Variants in SCHIP1 observed in about 807,000 individuals in gnomAD.
SCHIP1 encodes schwannomin-interacting protein 1.
SCHIP1 carries 8 observed loss-of-function variants against 29.7 expected under a neutral mutation model. That is an observed-to-expected ratio of 0.27 (90% CI 0.16 to 0.49). The LOEUF is 0.49. SCHIP1 is among the 20% of genes least tolerant of loss of function. SCHIP1 has a pLI of 0.99. For synonymous variants in SCHIP1, 76 were observed against 94.9 expected (o/e 0.80, Z 1.16); for missense variants, 193 against 294.6 (o/e 0.66, Z 2.52).
At chr3:159,789,681 T>C in the SCHIP1 span, among the ~76,000 whole-genome samples, 2 of 152,324 alleles carry the variant, frequency 1.3e-5, no homozygotes, top group Middle Eastern at 3.4e-3. Context: ...CCAGGGATCA[T>C]ACTTTGAGAA....
chr3:159,793,252 C>G, the SCHIP1 span, among the ~76,000 whole-genome samples: 2 of 152,192 alleles, frequency 1.3e-5, no homozygotes, highest in South Asian at 4.2e-4. Flanking sequence ...GTCTCTGTCT[C>G]TCTCTGTCTC....
upstream of SCHIP1, among the ~76,000 whole-genome samples, chr3:159,836,150 T>C (rs1743645065): frequency 6.6e-6 from 1 of 152,182 alleles, no homozygotes; most frequent in African/African-American, 2.4e-5. Context: ...TCTTAGTCTG[T>C]TAGGGCTGCT....
the SCHIP1 span, among the ~76,000 whole-genome samples, chr3:159,333,706 T>C: frequency 6.6e-6 from 1 of 152,214 alleles, no homozygotes; most frequent in Non-Finnish European, 1.5e-5. Flanking sequence ...AGTTATCCTT[T>C]AGTTTAAATC....
At chr3:159,823,737 A>G in the SCHIP1 span, among the ~76,000 whole-genome samples, 1 of 152,126 alleles carries the variant, frequency 6.6e-6, no homozygotes, top group South Asian at 2.1e-4. Flanking sequence ...CTCTACTTCC[A>G]TCTGCCCACC....
chr3:159,800,463 G>C, the SCHIP1 span, among the ~76,000 whole-genome samples: 2 of 152,112 alleles, frequency 1.3e-5, no homozygotes, highest in African/African-American at 4.8e-5. Context: ...CACTTAAAGG[G>C]GCAGAATATT....
At chr3:159,592,319 G>A in the SCHIP1 span, among the ~76,000 whole-genome samples, 99 of 152,138 alleles carry the variant, frequency 6.5e-4, no homozygotes, top group African/African-American at 2.3e-3. Flanking sequence ...ACCTCTGAAC[G>A]TACATTTGCC....
At chr3:159,716,128 G>C in the SCHIP1 span, among the ~76,000 whole-genome samples, 1 of 152,162 alleles carries the variant, frequency 6.6e-6, no homozygotes, top group Non-Finnish European at 1.5e-5. Flanking sequence ...TTTCAACCCA[G>C]AATTTCATAT....
At chr3:159,495,362 T>C in the SCHIP1 span, among the ~76,000 whole-genome samples, 1 of 152,134 alleles carries the variant, frequency 6.6e-6, no homozygotes, top group Admixed American at 6.6e-5. Context: ...AAAACCCCAT[T>C]GTCTCAGCCC....
chr3:159,879,854 A>G (rs1401003844), intron 2 of SCHIP1, among the ~76,000 whole-genome samples: 1 of 152,204 alleles, frequency 6.6e-6, no homozygotes, highest in Non-Finnish European at 1.5e-5. Flanking sequence ...TCTCCAAAGA[A>G]AAGCTGGTGA....
rs1714066614 is a variant in SCHIP1, at chr3:159,861,603, TC to T, written c.31-4558del. On this transcript the variant is annotated intron_variant, in intron 1 of 6. Coordinates refer to ENST00000445224, the Ensembl canonical transcript of SCHIP1. The surrounding 1 kb of genome is among the most constrained non-coding windows in gnomAD (Gnocchi z 4.1). ...TTAGCAACAGATGAGGACAAAAACT[TC>T]CTGGGGCTGAATAGCGGTGAGTTTC... Among the ~76,000 whole-genome samples the T allele has an allele frequency of 2.6e-5, 4 of 152,264 alleles. No homozygotes were observed. The highest frequency in any genetic ancestry group is 5.9e-5 in the Non-Finnish European group (4 of 68,014).
At chr3:159,729,445 G>A in the SCHIP1 span, among the ~76,000 whole-genome samples, 1,852 of 152,156 alleles carry the variant, frequency 0.012, 42 homozygotes, top group African/African-American at 0.042. Context: ...TGATATGATC[G>A]CATAGCTAAA....
the SCHIP1 span, among the ~76,000 whole-genome samples, chr3:159,512,942 G>A: frequency 4.6e-5 from 7 of 152,264 alleles, no homozygotes; most frequent in Middle Eastern, 3.4e-3. Context: ...GCGAGAACAT[G>A]TGATGCTTAT....
the SCHIP1 span, among the ~76,000 whole-genome samples, chr3:159,511,082 C>T: frequency 4.1e-4 from 62 of 152,362 alleles, 2 homozygotes; most frequent in South Asian, 0.013. Flanking sequence ...TCTACAGAGG[C>T]CCACAGGCCT....
At chr3:159,648,861 G>A in the SCHIP1 span, among the ~76,000 whole-genome samples, 1 of 151,864 alleles carries the variant, frequency 6.6e-6, no homozygotes, top group African/African-American at 2.4e-5. Flanking sequence ...TGGATTTCCT[G>A]TATGGGGGAG....
chr3:159,376,234 G>T, the SCHIP1 span, among the ~76,000 whole-genome samples: 1 of 152,152 alleles, frequency 6.6e-6, no homozygotes, highest in African/African-American at 2.4e-5. Flanking sequence ...AAAGGAAGCA[G>T]TATTCTACCA....
At chr3:159,791,361 G>A in the SCHIP1 span, among the ~76,000 whole-genome samples, 2,785 of 152,300 alleles carry the variant, frequency 0.018, 40 homozygotes, top group Non-Finnish European at 0.028. Context: ...GACTAGTAAC[G>A]GCAAGAAGCA....
chr3:159,548,247 A>G, the SCHIP1 span, among the ~76,000 whole-genome samples: 2 of 152,066 alleles, frequency 1.3e-5, no homozygotes, highest in East Asian at 1.9e-4. Flanking sequence ...ATTTTTATTT[A>G]CATATTTATT....
the SCHIP1 span, among the ~76,000 whole-genome samples, chr3:159,401,808 C>A: frequency 1.2e-4 from 18 of 152,274 alleles, no homozygotes; most frequent in East Asian, 3.5e-3. Context: ...AGTCTTTAAT[C>A]CATCTTGAAT....
the SCHIP1 span, among the ~76,000 whole-genome samples, chr3:159,339,266 A>C: frequency 1.3e-5 from 2 of 151,548 alleles, no homozygotes; most frequent in Admixed American, 6.6e-5. Context: ...AAAAAAAAAA[A>C]AAAAAACCTT....
Sources: gnomAD v4.1 joint callset for allele counts (sites outside exome capture counted in the v4.1 genomes callset) on GRCh38, gnomAD v4.1.1 for gene constraint, Gnocchi (gnomAD v3.1) non-coding constraint, MANE v1.5 for transcripts, NCBI Gene and HGNC (gene_info 2026-07-23, HGNC 2026-07-21) for gene names.